Variants in SOX7 observed in about 807,000 individuals in gnomAD.
The protein encoded by SOX7 is SRY-box transcription factor 7, also known as transcription factor SOX-7.
A neutral mutation model predicts 24.9 loss-of-function variants in SOX7; 19 were observed. That is an observed-to-expected ratio of 0.76 (90% CI 0.53 to 1.12). The LOEUF is 1.12. Ranked by LOEUF, SOX7 falls within the 50% of genes most tolerant of loss-of-function variation. The pLI is 0.00. For missense variants in SOX7, 702 were observed against 535.0 expected, an observed-to-expected ratio of 1.31 and a Z score of -3.08; for synonymous variants, 327 against 244.5, an observed-to-expected ratio of 1.34 and a Z score of -3.15.
intron 1 of SOX7, among the ~76,000 whole-genome samples, chr8:10,728,851 C>G (rs1800206020): frequency 6.6e-6 from 1 of 152,210 alleles, no homozygotes; most frequent in Admixed American, 6.5e-5. Flanking sequence ...GGATCCACAA[C>G]AAACATATTT....
rs767524561 is a variant in SOX7 at position 10,726,510 on chromosome 8, C to T, written c.395G>A (p.Gly132Asp). 7 of 1,612,508 alleles carry T rather than the reference C, an allele frequency of 4.3e-6. No homozygotes were observed. The highest frequency in any genetic ancestry group is 3.3e-5 in the Admixed American group (2 of 60,018). The stretch of plus-strand genomic sequence containing the variant: ...CCGGGAGAGGGAGCTCAGAAGGAAG[C>T]CCGGGTCCACGCGCTTGCACAGCCG... ...AKRLCKRVDP[G>D]FLLSSLSRDQ... The change falls in exon 2 of 2, where the codon GGC becomes GAC. Residue 132 changes from glycine to aspartate, a missense_variant. By Grantham distance (94) the Gly-to-Asp change is moderately conservative. Transcript: ENST00000304501.
intron 1 of SOX7, among the ~76,000 whole-genome samples, chr8:10,728,056 G>T (rs1014068516): frequency 6.6e-6 from 1 of 152,258 alleles, no homozygotes; most frequent in Admixed American, 6.5e-5. Context: ...CAACTTGAAA[G>T]TGTTAGGAGC....
In SOX7 at chr8:10,730,465, CG is replaced by C. The variant is rs760745676; in HGVS notation, c.-33del. The C allele has an allele frequency of 2.6e-4, 367 of 1,402,808 alleles. 1 individual carries two copies. Among genetic ancestry groups the C allele is most frequent in the Non-Finnish European group, 3.2e-4 (349 of 1,079,514 alleles). 86.9% of individuals were successfully genotyped at this position (1,402,808 alleles called of 1,614,324 possible). The stretch of plus-strand genomic sequence containing the variant: ...ACGCGGGTCGCCTCGCTTCGCCTGG[CG>C]GGGCAGGCGCGGACCTGGCCCTCGC... On this transcript the variant is annotated 5_prime_UTR_variant, in exon 1 of 2. Transcript: ENST00000304501. The surrounding 1 kb of genome is among the most constrained non-coding windows in gnomAD (Gnocchi z 4.8).
Position 10,730,496 on chromosome 8 carries a change from G to A in SOX7, c.-63C>T. 2 of 1,211,826 alleles carry A rather than the reference G, an allele frequency of 1.7e-6. No individual in the cohort carries two copies. Among genetic ancestry groups the A allele is most frequent in the Non-Finnish European group, 2.2e-6 (2 of 929,548 alleles). The allele number at this position is 1,211,826 out of a possible 1,614,324, so 75.1% of individuals were successfully genotyped here. A position where few individuals can be genotyped will look rare whatever the true frequency, so the allele number is the denominator to read the frequency against. On this transcript the variant is annotated 5_prime_UTR_variant, in exon 1 of 2. Transcript: ENST00000304501. This position sits in a 1 kb window ranked among gnomAD's most constrained non-coding sequence, Gnocchi z 4.8. ...AGGCGCGGACCTGGCCCTCGCACGG[G>A]TCGGGGCGTCCAACTTGGCCCGCAG... is the stretch of plus-strand genomic sequence containing the variant.
rs759209484 is a variant in SOX7, at chr8:10,730,394, G to C, written c.40C>G (p.Leu14Val). 1.3e-6 allele frequency: 2 copies of C among 1,523,624 alleles called. No homozygotes were observed. The highest frequency in any genetic ancestry group is 2.7e-5 in the East Asian group (1 of 37,584). 94.4% of individuals were successfully genotyped at this position (1,523,624 alleles called of 1,614,324 possible). ...LLGAYPWPEGLECPALDAELS... is the reference protein window; with the variant it reads ...LLGAYPWPEGVECPALDAELS... ...TCGGCGTCCAGGGCCGGGCACTCGAGACCCTCGGGCCAAGGGTAGGCTCCC... is the reference window on the plus strand; with the variant it reads ...TCGGCGTCCAGGGCCGGGCACTCGACACCCTCGGGCCAAGGGTAGGCTCCC... Residue 14 changes from leucine (L) to valine (V), a missense_variant, in exon 1 of 2, where the codon CTC becomes GTC. Physicochemically the swap from Leu to Val is conservative, Grantham distance 32. Transcript: ENST00000304501. This position sits in a 1 kb window ranked among gnomAD's most constrained non-coding sequence, Gnocchi z 4.8.
chr8:10,727,007 A>T (rs1387783065), intron 1 of SOX7, among the ~76,000 whole-genome samples: 1 of 152,192 alleles, frequency 6.6e-6, no homozygotes, highest in East Asian at 1.9e-4. Context: ...GGAAGAAAAT[A>T]TCTAATGATC....
rs557472510 is a variant in SOX7 at position 10,730,322 on chromosome 8, C to A, written c.112G>T (p.Asp38Tyr). The A allele has an allele frequency of 1.9e-6, 3 of 1,571,552 alleles. No homozygotes were observed. The highest frequency in any genetic ancestry group is 2.6e-6 in the Non-Finnish European group (3 of 1,162,144). Residue 38 changes from aspartate to tyrosine, a missense_variant, in exon 1 of 2, where the codon GAC (aspartate) becomes TAC (tyrosine). Coordinates refer to ENST00000304501, the MANE Select transcript of SOX7 (RefSeq NM_031439.4). The surrounding 1 kb of genome is among the most constrained non-coding windows in gnomAD (Gnocchi z 4.8). ...SPPAVPRPPG[D>Y]KGSESRIRRP... ...CGGATACGGCTCTCGGAGCCCTTGT[C>A]CCCCGGGGGCCGGGGGACGGCCGGC...
intron 1 of SOX7, among the ~76,000 whole-genome samples, chr8:10,727,035 T>A (rs1282745671): frequency 6.6e-6 from 1 of 152,216 alleles, no homozygotes; most frequent in Non-Finnish European, 1.5e-5. Flanking sequence ...TGATTGGGGC[T>A]CTTTTTACCC....
At position 10,726,304 on chromosome 8, in the gene SOX7, G is replaced by C. The variant is rs760578246; in HGVS notation, c.601C>G (p.Leu201Val). 1 of 1,613,742 alleles carries C rather than the reference G, an allele frequency of 6.2e-7. No individual in the cohort carries two copies. Among genetic ancestry groups the C allele is most frequent in the South Asian group, 1.1e-5 (1 of 91,084 alleles). ...GGAGACATTTCAGGAGGTGTGGGCA[G>C]CCCGTACGGGTACGTGTCCACACTG... is the stretch of plus-strand genomic sequence containing the variant. ...PSSVDTYPYG[L>V]PTPPEMSPLD... is the part of the protein sequence containing the mutation. The change falls in exon 2 of 2, where the codon CTG (leucine) becomes GTG (valine). Residue 201 changes from leucine to valine, a missense_variant. Leu to Val is a conservative substitution (Grantham distance 32). Transcript: ENST00000304501.
Position 10,725,788 on chromosome 8 carries a change from C to T in SOX7, c.1117G>A (p.Val373Ile), listed in dbSNP as rs777801810. 1.2e-6 allele frequency: 2 copies of T among 1,614,132 alleles called. No individual in the cohort carries two copies. The highest frequency in any genetic ancestry group is 2.2e-5 in the East Asian group (1 of 44,860). ...TGPTETSLIS[V>I]LADATATYYN... is the part of the protein sequence containing the mutation. ...TACGTGGCCGTGGCATCAGCCAGGACGGAGATGAGGCTGGTCTCTGTGGGA... is the reference window on the plus strand; with the variant it reads ...TACGTGGCCGTGGCATCAGCCAGGATGGAGATGAGGCTGGTCTCTGTGGGA... The change falls in exon 2 of 2, where the codon GTC (valine) becomes ATC (isoleucine). Residue 373 changes from valine to isoleucine, a missense_variant. Coordinates refer to ENST00000304501, the MANE Select transcript of SOX7 (RefSeq NM_031439.4).
In SOX7 at chr8:10,725,413, C is replaced by T. The variant is rs142306088; in HGVS notation, c.*325G>A. On this transcript the variant is annotated 3_prime_UTR_variant, in exon 2 of 2. Transcript: ENST00000304501. Reference sequence around the variant, plus strand: ...AGGGACCTTGGCTATCAAGTCTGTCCCCCCATTAGTTTCGATGATGGCTAC... The same window carrying T: ...AGGGACCTTGGCTATCAAGTCTGTCTCCCCATTAGTTTCGATGATGGCTAC... The T allele has an allele frequency of 5.6e-6, 2 of 354,708 alleles. No homozygotes were observed. The highest frequency in any genetic ancestry group is 1.0e-5 in the Non-Finnish European group (2 of 194,314). The allele number at this position is 354,708 out of a possible 1,614,324, so 22.0% of individuals were successfully genotyped here.
At chr8:10,727,949 G>T (rs1447971336) in intron 1 of SOX7, among the ~76,000 whole-genome samples, 2 of 152,230 alleles carry the variant, frequency 1.3e-5, no homozygotes, top group Non-Finnish European at 2.9e-5. Flanking sequence ...CAGAGCCAGG[G>T]GAGGGCAATG....
chr8:10,725,900 A>G lies in SOX7; in HGVS notation c.1005T>C (p.Tyr335=). 1 of 1,614,196 alleles carries G rather than the reference A, an allele frequency of 6.2e-7. No homozygotes were observed. Among genetic ancestry groups the G allele is most frequent in the Non-Finnish European group, 8.5e-7 (1 of 1,180,022 alleles). The change falls in exon 2 of 2, where the codon TAT becomes TAC. Residue 335 remains tyrosine (Y), a synonymous_variant. Transcript: ENST00000304501. ...GDMDRNEFDQ[Y]LNTPGHPDSA... ...AGTCTGGGTGGCCAGGAGTGTTCAA[A>G]TACTGGTCGAATTCATTGCGATCCA...
chr8:10,730,367 G>C lies in SOX7; in HGVS notation c.67C>G (p.Leu23Val), dbSNP rs1415748387. 1 of 1,560,638 alleles carries C rather than the reference G, an allele frequency of 6.4e-7. No homozygotes were observed. The highest frequency in any genetic ancestry group is 1.2e-5 in the South Asian group (1 of 86,032). The change falls in exon 1 of 2, where the codon CTG becomes GTG. Residue 23 changes from leucine (L) to valine (V), a missense_variant. By Grantham distance (32) the Leu-to-Val change is conservative. Transcript: ENST00000304501. The surrounding 1 kb of genome is among the most constrained non-coding windows in gnomAD (Gnocchi z 4.8). Reference sequence around the variant, plus strand: ...GCCGGCGGCGATTGTCCATCCGACAGCTCGGCGTCCAGGGCCGGGCACTCG... The same window carrying C: ...GCCGGCGGCGATTGTCCATCCGACACCTCGGCGTCCAGGGCCGGGCACTCG... ...GLECPALDAE[L>V]SDGQSPPAVP...
In SOX7 at chr8:10,725,956, G is replaced by T; in HGVS notation, c.949C>A (p.Gln317Lys). Residue 317 changes from glutamine to lysine, a missense_variant, in exon 2 of 2, where the codon CAA becomes AAA. Transcript: ENST00000304501. Reference sequence around the variant, plus strand: ...CCCAGGAGTTCCACCTGGCTCAGTTGATCCAGGGCGTCGAAGCCAGGGTGC... The same window carrying T: ...CCCAGGAGTTCCACCTGGCTCAGTTTATCCAGGGCGTCGAAGCCAGGGTGC... ...PEHPGFDALD[Q>K]LSQVELLGDM... 1 of 1,611,762 alleles carries T rather than the reference G, an allele frequency of 6.2e-7. No homozygotes were observed. The highest frequency in any genetic ancestry group is 8.5e-7 in the Non-Finnish European group (1 of 1,178,158).
Position 10,726,622 on chromosome 8 carries a change from C to G in SOX7, c.283G>C (p.Val95Leu), listed in dbSNP as rs769083723. ...AGGCGCAGCCGCTCCGCCTCGTCCA[C>G]GTACGGCCTCTTCTGGGACAGCGTC... ...ALTLSQKRPYVDEAERLRLQH... is the reference protein window; with the variant it reads ...ALTLSQKRPYLDEAERLRLQH... Residue 95 changes from valine to leucine, a missense_variant, in exon 2 of 2, where the codon GTG (valine) becomes CTG (leucine). Val to Leu is a conservative substitution (Grantham distance 32). Transcript: ENST00000304501. The G allele has an allele frequency of 6.2e-7, 1 of 1,601,918 alleles. No homozygotes were observed.
chr8:10,729,899 C>A (rs757881052), intron 1 of SOX7, among the ~76,000 whole-genome samples: 10 of 152,216 alleles, frequency 6.6e-5, no homozygotes, highest in Non-Finnish European at 1.5e-4. Context: ...CCTGGCCTGG[C>A]CGCTGCCCCG....
rs556012831 is a variant in SOX7, at chr8:10,728,812, G to A, written c.238+1384C>T. Among the ~76,000 whole-genome samples the A allele has an allele frequency of 2.9e-3, 441 of 152,274 alleles. 2 individuals carry two copies. Among genetic ancestry groups the A allele is most frequent in the African/African-American group, 0.01 (419 of 41,550 alleles). ...TGTTGGCAGGGTCAACAGGCACAGT[G>A]CCCACGGTCCGTGGAAAAAAAAGTT... On this transcript the variant is annotated intron_variant, in intron 1 of 1. Transcript: ENST00000304501.
rs755682700 is a variant in SOX7 at position 10,726,337 on chromosome 8, T to TGCC, written c.565_567dup (p.Gly189dup). ...GGGTACGTGTCCACACTGCTCGGGG[T>TGCC]GCCGCCGCCGCCACCACCAGCCGGC... On this transcript the variant is annotated inframe_insertion, in exon 2 of 2. Transcript: ENST00000304501. The TGCC allele has an allele frequency of 2.5e-6, 4 of 1,611,620 alleles. No individual in the cohort carries two copies. Among genetic ancestry groups the TGCC allele is most frequent in the Admixed American group, 1.7e-5 (1 of 59,948 alleles).
Sources: gnomAD v4.1 joint callset for allele counts (sites outside exome capture counted in the v4.1 genomes callset) on GRCh38, gnomAD v4.1.1 for gene constraint, Gnocchi (gnomAD v3.1) non-coding constraint, MANE v1.5 for transcripts, NCBI Gene and HGNC (gene_info 2026-07-23, HGNC 2026-07-21) for gene names.